The following NBAS variants were observed in gnomAD, a reference collection of about 807,000 sequenced individuals.
NBAS encodes NBAS subunit of NRZ tethering complex, also known as NAG/BC035112 fusion.
Under a neutral mutation model 302.5 loss-of-function variants are expected in NBAS, and 219 were observed. The observed-to-expected ratio is 0.72, with a 90% CI of 0.65 to 0.81. The LOEUF (loss-of-function observed/expected upper bound fraction) is 0.81. NBAS is among the 30% of genes least tolerant of loss of function. The pLI is 0.00. For missense variants in NBAS, 2,932 were observed against 2,841.6 expected, an observed-to-expected ratio of 1.03 and a Z score of -0.72; for synonymous variants, 1,118 against 1,021.6, an observed-to-expected ratio of 1.09 and a Z score of -1.80.
rs1205885657 is a variant in NBAS, at chr2:15,493,485, T to C, written c.955-4463A>G. Among the ~76,000 whole-genome samples the C allele has an allele frequency of 2.6e-5, 4 of 152,182 alleles. No individual in the cohort carries two copies. The South Asian group carries it at 6.2e-4, about 24-fold the overall frequency. The stretch of plus-strand genomic sequence containing the variant: ...GAGTTCAAGACCAGCCTGGTCAACA[T>C]GGTAAAACCCCATCTCTACAAAAAT... On this transcript the variant is annotated intron_variant, in intron 11 of 51. Transcript: ENST00000281513.
the NBAS span, among the ~76,000 whole-genome samples, chr2:15,006,297 A>C: frequency 5.3e-5 from 8 of 152,336 alleles, 1 homozygote; most frequent in South Asian, 1.7e-3. Context: ...ATTCAAAGGA[A>C]TTCTCCGGAA....
At chr2:15,236,527 C>CA (rs1167993098) in intron 45 of NBAS, among the ~76,000 whole-genome samples, 3,437 of 28,272 alleles carry the variant, frequency 0.12, 997 homozygotes, top group East Asian at 0.27. Flanking sequence ...GACCCTGTCT[C>CA]AAAAAAAAAA....
At chr2:15,553,352 A>G in intron 5 of NBAS, 74 bp downstream of exon 5, 1 of 1,344,740 alleles carries the variant, frequency 7.4e-7, no homozygotes, top group Non-Finnish European at 1.1e-6. Context: ...CCCTATAAAA[A>G]TCTTAGTTTC....
the NBAS span, among the ~76,000 whole-genome samples, chr2:15,011,086 C>T: frequency 2.8e-4 from 43 of 152,242 alleles, no homozygotes; most frequent in African/African-American, 9.9e-4. Flanking sequence ...TATTGTGGGG[C>T]CTAAGCATTT....
chr2:15,476,570 A>G (rs112785351), intron 13 of NBAS, among the ~76,000 whole-genome samples: 1 of 151,936 alleles, frequency 6.6e-6, no homozygotes, highest in Non-Finnish European at 1.5e-5. Context: ...AAAATACAAA[A>G]ATTAGCCAGG....
the NBAS span, among the ~76,000 whole-genome samples, chr2:14,980,845 C>G: frequency 6.6e-6 from 1 of 152,080 alleles, no homozygotes; most frequent in Non-Finnish European, 1.5e-5. Flanking sequence ...TGAACAAGAA[C>G]AAGACGCTAT....
Position 15,425,471 on chromosome 2 carries a change from C to A in NBAS, c.2424-1003G>T, listed in dbSNP as rs556548734. ...TGTGAAAATTCAAAATAACAGAGCA[C>A]TGCCTGGCACAAAGGAAGTGCTTAA... On this transcript the variant is annotated intron_variant, in intron 22 of 51. Transcript: ENST00000281513. 2.0e-4 allele frequency among the ~76,000 whole-genome samples: 31 copies of A among 152,272 alleles called. No homozygotes were observed. The South Asian group carries it at 6.0e-3, about 30-fold the overall frequency.
At chr2:15,109,929 T>A in the NBAS span, among the ~76,000 whole-genome samples, 5 of 152,184 alleles carry the variant, frequency 3.3e-5, no homozygotes, top group Admixed American at 3.3e-4. Flanking sequence ...GTCCATTCAA[T>A]GTTTATTGTC....
chr2:15,373,656 C>CT, intron 31 of NBAS, among the ~76,000 whole-genome samples: 1 of 152,270 alleles, frequency 6.6e-6, no homozygotes, highest in South Asian at 2.1e-4. Flanking sequence ...AGATGCAAAA[C>CT]TTTAACTTTT....
chr2:15,055,145 A>C, the NBAS span, among the ~76,000 whole-genome samples: 1,974 of 152,256 alleles, frequency 0.013, 41 homozygotes, highest in African/African-American at 0.045. Flanking sequence ...TAGAATGAGA[A>C]GAGAAGGAAA....
chr2:15,241,702 A>C (rs1019141844), intron 44 of NBAS, among the ~76,000 whole-genome samples: 48 of 152,216 alleles, frequency 3.2e-4, no homozygotes, highest in African/African-American at 1.1e-3. Flanking sequence ...CTGACATTTA[A>C]TTTGACCAAT....
At chr2:15,517,270 A>G (rs1662442957) in intron 9 of NBAS, among the ~76,000 whole-genome samples, 1 of 152,222 alleles carries the variant, frequency 6.6e-6, no homozygotes, top group Non-Finnish European at 1.5e-5. Flanking sequence ...AGTACTCGAT[A>G]GGTAGTTTTT....
chr2:15,174,950 G>A (rs1664463463), intron 51 of NBAS, among the ~76,000 whole-genome samples: 1 of 152,152 alleles, frequency 6.6e-6, no homozygotes, highest in South Asian at 2.1e-4. Flanking sequence ...ATTAGGTACC[G>A]GAGGTCCTAA....
chr2:15,002,442 C>A, the NBAS span, among the ~76,000 whole-genome samples: 1 of 149,360 alleles, frequency 6.7e-6, no homozygotes, highest in African/African-American at 2.6e-5. Context: ...CCCAGCTGGC[C>A]CACCAGACTC....
the NBAS span, among the ~76,000 whole-genome samples, chr2:15,045,157 C>G: frequency 3.3e-5 from 5 of 152,160 alleles, no homozygotes; most frequent in Non-Finnish European, 7.3e-5. Flanking sequence ...ATCCAGGGAG[C>G]TATTGTTGAC....
the NBAS span, among the ~76,000 whole-genome samples, chr2:15,151,358 G>T: frequency 6.6e-6 from 1 of 152,172 alleles, no homozygotes; most frequent in African/African-American, 2.4e-5. Context: ...TCACAAGCAG[G>T]CACAAACCCA....
intron 50 of NBAS, chr2:15,179,701 T>G (rs1392814607): frequency 6.5e-6 from 1 of 154,150 alleles, no homozygotes; most frequent in African/African-American, 2.4e-5. Flanking sequence ...CTTAATATAC[T>G]TAAGACAGTC....
At chr2:15,474,892 C>T (rs758420977) in intron 14 of NBAS, among the ~76,000 whole-genome samples, 5 of 152,084 alleles carry the variant, frequency 3.3e-5, no homozygotes, top group Admixed American at 6.5e-5. Flanking sequence ...GTCATTAATA[C>T]GGTCTTGTAC....
the NBAS span, among the ~76,000 whole-genome samples, chr2:15,028,251 T>G: frequency 2.0e-5 from 3 of 152,176 alleles, no homozygotes; most frequent in Non-Finnish European, 2.9e-5. Flanking sequence ...AACTCTGGTA[T>G]GAATAAGAAT....
Sources: gnomAD v4.1 joint callset for allele counts (sites outside exome capture counted in the v4.1 genomes callset) on GRCh38, gnomAD v4.1.1 for gene constraint, MANE v1.5 for transcripts, NCBI Gene and HGNC (gene_info 2026-07-23, HGNC 2026-07-21) for gene names.